DENND2B: variants seen among roughly 807,000 people sequenced by gnomAD.
The protein encoded by DENND2B is DENN domain containing 2B, also known as DENN domain-containing protein 2B.
In DENND2B, 32 loss-of-function variants were observed where a neutral mutation model predicts 116.0. The observed-to-expected ratio is 0.28, with a 90% CI of 0.21 to 0.37. DENND2B has a LOEUF of 0.37. Ranked by LOEUF, DENND2B falls within the 10% of genes least tolerant of loss-of-function variation. The pLI, the probability that DENND2B is intolerant of heterozygous loss-of-function variation, is 1.00. For missense variants in DENND2B, 1,276 were observed against 1,477.7 expected (o/e 0.86, Z 2.24); for synonymous variants, 588 against 583.9 (o/e 1.01, Z -0.10).
Position 8,910,709 on chromosome 11 carries a change from A to AGTGTGTGTGTGTGTGTGTGTGTGTGT in DENND2B, c.-256+86_-256+111dup, listed in dbSNP as rs56115841. The AGTGTGTGTGTGTGTGTGTGTGTGTGT allele has an allele frequency of 2.9e-4, 21 of 72,394 alleles. 2 individuals carry two copies. Among genetic ancestry groups the AGTGTGTGTGTGTGTGTGTGTGTGTGT allele is most frequent in the African/African-American group, 1.2e-3 (20 of 17,300 alleles). 4.5% of individuals were successfully genotyped at this position (72,394 alleles called of 1,614,324 possible). On this transcript the variant is annotated intron_variant, in intron 1 of 22. Coordinates refer to the DENND2B transcript ENST00000534127. Reference sequence around the variant, plus strand: ...TGGTACCCCATAACCACTCCTGGCTAGTGTGTGTGTGTGTGTGTGTGTGTG... The same window carrying AGTGTGTGTGTGTGTGTGTGTGTGTGT: ...TGGTACCCCATAACCACTCCTGGCTAGTGTGTGTGTGTGTGTGTGTGTGTGTGTGTGTGTGTGTGTGTGTGTGTGTG...
Position 8,702,495 on chromosome 11 carries a change from CT to C in DENND2B, c.2720+76del. On this transcript the variant is annotated intron_variant, in intron 14 of 19. Coordinates refer to ENST00000313726, the MANE Select transcript of DENND2B (RefSeq NM_213618.2). The surrounding 1 kb of genome is among the most constrained non-coding windows in gnomAD (Gnocchi z 4.6). ...CACTGGTCTCCGGCGCCTGCTTAGG[CT>C]CCTGAACACTTGCTGATTCGCTTGT... The C allele has an allele frequency of 6.3e-7, 1 of 1,591,952 alleles. No individual in the cohort carries two copies. The highest frequency in any genetic ancestry group is 8.5e-7 in the Non-Finnish European group (1 of 1,174,528).
rs1223842351 is a variant in DENND2B, at chr11:8,712,452, G to A, written c.2172+99C>T. The A allele has an allele frequency of 9.0e-6, 12 of 1,332,220 alleles. No individual in the cohort carries two copies. Among genetic ancestry groups the A allele is most frequent in the Non-Finnish European group, 1.1e-5 (11 of 981,938 alleles). 82.5% of individuals were successfully genotyped at this position (1,332,220 alleles called of 1,614,324 possible). On this transcript the variant is annotated intron_variant, in intron 9 of 19. Coordinates refer to ENST00000313726, the MANE Select transcript of DENND2B (RefSeq NM_213618.2). The surrounding 1 kb of genome is among the most constrained non-coding windows in gnomAD (Gnocchi z 4.4). ...AGGGCTGTGGCAGCTCGGTGAGGAC[G>A]TATGACGAACAAGATCTCTCTCCTT... is the stretch of plus-strand genomic sequence containing the variant.
Position 8,694,148 on chromosome 11 carries a change from C to G in DENND2B, c.3380-18G>C. The G allele has an allele frequency of 6.2e-7, 1 of 1,614,132 alleles. No individual in the cohort carries two copies. The highest frequency in any genetic ancestry group is 8.5e-7 in the Non-Finnish European group (1 of 1,180,002). On this transcript the variant is annotated intron_variant, in intron 19 of 19. Transcript: ENST00000313726. The stretch of plus-strand genomic sequence containing the variant: ...TTTGTTGCCTGTGGGCCAGAGAGGA[C>G]AAGAGAGAATGTTCAGTGTTATCCC...
chr11:8,696,154 C>T (rs1231770908), intron 18 of DENND2B, among the ~76,000 whole-genome samples: 1 of 152,130 alleles, frequency 6.6e-6, no homozygotes. Context: ...CTATCTTTCT[C>T]TTTGAGGAGG....
intron 1 of DENND2B, among the ~76,000 whole-genome samples, chr11:8,897,683 A>G (rs916293926): frequency 3.3e-5 from 5 of 152,254 alleles, no homozygotes; most frequent in Non-Finnish European, 5.9e-5. Flanking sequence ...GGTTATGCAC[A>G]TGCCCAGGAG....
chr11:8,860,764 G>A (rs545510825), intron 2 of DENND2B, among the ~76,000 whole-genome samples: 1 of 152,270 alleles, frequency 6.6e-6, no homozygotes, highest in South Asian at 2.1e-4. Flanking sequence ...GAAGAAATCT[G>A]TAGACATCAC....
In DENND2B at chr11:8,702,453, G is replaced by A. The variant is rs1314845983; in HGVS notation, c.2720+119C>T. 4.6e-5 allele frequency: 65 copies of A among 1,424,168 alleles called. 1 individual carries two copies. In the South Asian group the frequency reaches 7.2e-4, roughly 16 times the overall value. The allele number at this position is 1,424,168 out of a possible 1,614,324, so 88.2% of individuals were successfully genotyped here. A position where few individuals can be genotyped will look rare whatever the true frequency, so the allele number is the denominator to read the frequency against. The stretch of plus-strand genomic sequence containing the variant: ...TCCACCTAGTCTTCCATCTCCCTAC[G>A]CACAGCCCCACTCCAGCACTGGTCT... On this transcript the variant is annotated intron_variant, in intron 14 of 19. Coordinates refer to ENST00000313726, the MANE Select transcript of DENND2B (RefSeq NM_213618.2). The surrounding 1 kb of genome is among the most constrained non-coding windows in gnomAD (Gnocchi z 4.6).
At chr11:8,729,765 A>C (rs190842379) in intron 3 of DENND2B, among the ~76,000 whole-genome samples, 185 bp downstream of exon 3, 43 of 152,320 alleles carry the variant, frequency 2.8e-4, no homozygotes, top group Admixed American at 9.8e-4. Flanking sequence ...CTCATGTCCA[A>C]GTATCTTGTA....
chr11:8,704,980 G>T, intron 13 of DENND2B, among the ~76,000 whole-genome samples: 1 of 152,120 alleles, frequency 6.6e-6, no homozygotes, highest in East Asian at 1.9e-4. Flanking sequence ...GGGATTACAA[G>T]CACATGAGCC....
Position 8,707,885 on chromosome 11 carries a change from G to C in DENND2B, c.2353-31C>G. On this transcript the variant is annotated intron_variant, in intron 11 of 19. Coordinates refer to ENST00000313726, the MANE Select transcript of DENND2B (RefSeq NM_213618.2). The surrounding 1 kb of genome is among the most constrained non-coding windows in gnomAD (Gnocchi z 4.8). ...CCAGGACAAGGAGGAGGAGGAGAGA[G>C]ACAGACACAGAGAATGCATGATTAC... 1.9e-6 allele frequency: 3 copies of C among 1,590,322 alleles called. No individual in the cohort carries two copies. Among genetic ancestry groups the C allele is most frequent in the Non-Finnish European group, 2.6e-6 (3 of 1,168,642 alleles).
chr11:8,724,750 T>C (rs1170134555), intron 4 of DENND2B, among the ~76,000 whole-genome samples: 1 of 152,226 alleles, frequency 6.6e-6, no homozygotes, highest in African/African-American at 2.4e-5. Context: ...AGGGTATTTA[T>C]ACAGCAAACA....
At chr11:8,792,082 G>A (rs1197643081) in intron 1 of DENND2B, among the ~76,000 whole-genome samples, 1 of 149,942 alleles carries the variant, frequency 6.7e-6, no homozygotes, top group Non-Finnish European at 1.5e-5. Flanking sequence ...GTGGGTGCCT[G>A]TAATCCCAGC....
intron 1 of DENND2B, among the ~76,000 whole-genome samples, chr11:8,792,660 G>C (rs1356394345): frequency 6.6e-6 from 1 of 152,122 alleles, no homozygotes; most frequent in Non-Finnish European, 1.5e-5. Context: ...TCAACTACCA[G>C]AAAGATAAAA....
chr11:8,903,831 G>C (rs1002382073), intron 1 of DENND2B, among the ~76,000 whole-genome samples: 1 of 141,148 alleles, frequency 7.1e-6, no homozygotes, highest in Admixed American at 7.5e-5. Context: ...TGAGGCTGTA[G>C]TGAGCTGTGA....
At chr11:8,700,886 A>G (rs1468998433) in intron 14 of DENND2B, among the ~76,000 whole-genome samples, 1 of 151,924 alleles carries the variant, frequency 6.6e-6, no homozygotes, top group African/African-American at 2.4e-5. Flanking sequence ...CAGTGGCACA[A>G]TCTCCGCTCA....
At chr11:8,862,712 C>A (rs2063438018) in intron 2 of DENND2B, among the ~76,000 whole-genome samples, 1 of 152,118 alleles carries the variant, frequency 6.6e-6, no homozygotes, top group South Asian at 2.1e-4. Context: ...CCCACCCATG[C>A]TCCCACACGC....
At position 8,843,015 on chromosome 11, in the gene DENND2B, C is replaced by T. The variant is rs76162513; in HGVS notation, c.-155-3665G>A. Reference sequence around the variant, plus strand: ...TGGCTCCAAAATTAGAGTTGCTCTTCTTTTCTCTCTTTTTTTTTTGAAATG... The same window carrying T: ...TGGCTCCAAAATTAGAGTTGCTCTTTTTTTCTCTCTTTTTTTTTTGAAATG... On this transcript the variant is annotated intron_variant, in intron 3 of 6. Transcript: ENST00000524757. 8.0e-3 allele frequency among the ~76,000 whole-genome samples: 1,141 copies of T among 141,824 alleles called. 12 individuals are homozygous for T. The highest frequency in any genetic ancestry group is 0.027 in the African/African-American group (1,079 of 39,496). The allele number at this position is 141,824 out of a possible 152,430, so 93.0% of individuals were successfully genotyped here. A position where few individuals can be genotyped will look rare whatever the true frequency, so the allele number is the denominator to read the frequency against.
intron 1 of DENND2B, among the ~76,000 whole-genome samples, chr11:8,909,439 A>AGG (rs1555224065): frequency 6.7e-6 from 1 of 149,230 alleles, no homozygotes; most frequent in Admixed American, 6.7e-5. Flanking sequence ...GAGGAGGAGG[A>AGG]AGAAGGAGAA....
upstream of DENND2B, among the ~76,000 whole-genome samples, chr11:8,873,165 C>T (rs1315612498): frequency 6.6e-6 from 1 of 152,216 alleles, no homozygotes; most frequent in Non-Finnish European, 1.5e-5. Context: ...AGAACCTCTA[C>T]TACTAAAGTC....
Sources: gnomAD v4.1 joint callset for allele counts (sites outside exome capture counted in the v4.1 genomes callset) on GRCh38, gnomAD v4.1.1 for gene constraint, Gnocchi (gnomAD v3.1) non-coding constraint, MANE v1.5 for transcripts, NCBI Gene and HGNC (gene_info 2026-07-23, HGNC 2026-07-21) for gene names.